FAM50B: variants seen among roughly 807,000 people sequenced by gnomAD.
FAM50B encodes the protein protein FAM50B.
A neutral mutation model predicts 25.4 loss-of-function variants in FAM50B; 9 were observed. The observed-to-expected ratio is 0.35, with a 90% CI of 0.21 to 0.62. The LOEUF is 0.62. Among genes scored for constraint, FAM50B ranks in the 20% least tolerant of loss-of-function variants. The pLI is 0.73. For synonymous variants in FAM50B, 212 were observed against 204.3 expected (o/e 1.04, Z -0.32); for missense variants, 372 against 477.9 (o/e 0.78, Z 2.07).
At chr6:3,832,381 G>A in the FAM50B span, among the ~76,000 whole-genome samples, 5 of 152,302 alleles carry the variant, frequency 3.3e-5, no homozygotes, top group South Asian at 1.0e-3. Context: ...ATGTAAGGAA[G>A]ACCTCTCATG....
At position 3,849,770 on chromosome 6, in the gene FAM50B, T is replaced by G. The variant is rs1231719052; in HGVS notation, c.-23-19T>G. The stretch of plus-strand genomic sequence containing the variant: ...CGTGGGCCCCCCTCTACCTGCCGCG[T>G]TTTTCCTCTTTGCTGCAGAGCCCAT... On this transcript the variant is annotated intron_variant, in intron 1 of 1. Transcript: ENST00000648326. 8 of 1,553,520 alleles carry G rather than the reference T, an allele frequency of 5.1e-6. No individual in the cohort carries two copies. In the African/African-American group the frequency reaches 9.5e-5, roughly 18 times the overall value.
At chr6:3,832,940 C>T in the FAM50B span, among the ~76,000 whole-genome samples, 1 of 152,040 alleles carries the variant, frequency 6.6e-6, no homozygotes, top group Non-Finnish European at 1.5e-5. Context: ...TGGCTCACTG[C>T]AGCCTCCACC....
the FAM50B span, among the ~76,000 whole-genome samples, chr6:3,837,941 C>A: frequency 1.3e-5 from 2 of 152,204 alleles, no homozygotes; most frequent in Non-Finnish European, 2.9e-5. Flanking sequence ...CATTGCCACA[C>A]TGGGGACCAA....
the FAM50B span, among the ~76,000 whole-genome samples, chr6:3,835,421 G>T: frequency 5.9e-5 from 9 of 152,252 alleles, no homozygotes; most frequent in African/African-American, 2.2e-4. Context: ...TCCCTCCTCT[G>T]CCCTTTGGAC....
At chr6:3,832,256 G>A in the FAM50B span, among the ~76,000 whole-genome samples, 1 of 152,298 alleles carries the variant, frequency 6.6e-6, no homozygotes, top group South Asian at 2.1e-4. Flanking sequence ...TTAGAAGGTG[G>A]TTGTAATATT....
chr6:3,841,884 C>A, the FAM50B span, among the ~76,000 whole-genome samples: 1 of 152,314 alleles, frequency 6.6e-6, no homozygotes, highest in Non-Finnish European at 1.5e-5. Flanking sequence ...TGCTGCAAAC[C>A]CGGCTGTCCC....
chr6:3,850,876 A>T lies in FAM50B; in HGVS notation c.*87A>T. 6.5e-7 allele frequency: 1 copy of T among 1,527,240 alleles called. No individual in the cohort carries two copies. Among genetic ancestry groups the T allele is most frequent in the Non-Finnish European group, 8.8e-7 (1 of 1,136,178 alleles). 94.6% of individuals were successfully genotyped at this position (1,527,240 alleles called of 1,614,324 possible). ...CCAGTCACTTGATTTCGTGACCTTG[A>T]TTTCTTCCCCCAAATTTAATAAAGA... On this transcript the variant is annotated 3_prime_UTR_variant, in exon 2 of 2. Transcript: ENST00000648326.
chr6:3,848,723 T>C (rs1397205231), upstream of FAM50B, among the ~76,000 whole-genome samples: 4 of 152,180 alleles, frequency 2.6e-5, no homozygotes, highest in Admixed American at 1.3e-4. Context: ...GAAACTGGCA[T>C]GTTAGAGGCT....
At chr6:3,842,079 G>A in the FAM50B span, among the ~76,000 whole-genome samples, 78 of 152,340 alleles carry the variant, frequency 5.1e-4, no homozygotes, top group East Asian at 0.014. Flanking sequence ...AAAATTTCAA[G>A]GCAATCATCA....
At chr6:3,845,167 A>G (rs1325436226), upstream of FAM50B, among the ~76,000 whole-genome samples, 1 of 152,230 alleles carries the variant, frequency 6.6e-6, no homozygotes, top group African/African-American at 2.4e-5. Flanking sequence ...GGAAGTTATC[A>G]TCTTGGAACT....
At chr6:3,841,941 C>T in the FAM50B span, among the ~76,000 whole-genome samples, 1 of 152,208 alleles carries the variant, frequency 6.6e-6, no homozygotes, top group African/African-American at 2.4e-5. Context: ...GCCAGGTGCT[C>T]AGTGTTGGCT....
At chr6:3,847,604 A>C (rs1762137671), upstream of FAM50B, among the ~76,000 whole-genome samples, 1 of 152,258 alleles carries the variant, frequency 6.6e-6, no homozygotes, top group Non-Finnish European at 1.5e-5. Context: ...CCATATAAGC[A>C]ATAAGGCTGT....
upstream of FAM50B, among the ~76,000 whole-genome samples, chr6:3,845,802 T>C (rs757095028): frequency 5.3e-5 from 8 of 152,056 alleles, no homozygotes; most frequent in Non-Finnish European, 8.8e-5. Context: ...GCAACCTCCA[T>C]CTCCTGGGTT....
the FAM50B span, among the ~76,000 whole-genome samples, chr6:3,835,736 G>T: frequency 1.4e-3 from 206 of 152,300 alleles, 1 homozygote; most frequent in African/African-American, 4.7e-3. Context: ...AATTTTTCCA[G>T]ATAAAAAATG....
the FAM50B span, among the ~76,000 whole-genome samples, chr6:3,834,536 C>T: frequency 6.6e-6 from 1 of 151,762 alleles, no homozygotes; most frequent in African/African-American, 2.4e-5. Flanking sequence ...TTTGATCATA[C>T]AATTTGAAGA....
At chr6:3,849,572 C>G (rs1267532171) in intron 1 of FAM50B, 86 bp downstream of exon 1, 3 of 621,516 alleles carry the variant, frequency 4.8e-6, no homozygotes, top group African/African-American at 1.8e-5. Flanking sequence ...CCACCCGTTA[C>G]GTGGGGCCGT....
the FAM50B span, among the ~76,000 whole-genome samples, chr6:3,836,237 C>T: frequency 6.6e-6 from 1 of 152,186 alleles, no homozygotes; most frequent in African/African-American, 2.4e-5. Context: ...CCCCTAGACC[C>T]CTGGCCTTTG....
At chr6:3,848,211 CAA>C (rs755396735), upstream of FAM50B, among the ~76,000 whole-genome samples, 1 of 152,146 alleles carries the variant, frequency 6.6e-6, no homozygotes, top group Non-Finnish European at 1.5e-5. Context: ...TTTGTAAAAA[CAA>C]AAACAAAACA....
At chr6:3,839,999 T>G in the FAM50B span, among the ~76,000 whole-genome samples, 5 of 152,050 alleles carry the variant, frequency 3.3e-5, no homozygotes, top group African/African-American at 1.2e-4. Context: ...GTTTGTTTGT[T>G]TGTTGTTTTT....
Sources: gnomAD v4.1 joint callset for allele counts (sites outside exome capture counted in the v4.1 genomes callset) on GRCh38, gnomAD v4.1.1 for gene constraint, MANE v1.5 for transcripts, NCBI Gene and HGNC (gene_info 2026-07-23, HGNC 2026-07-21) for gene names.